Variants in BAK1 observed in about 807,000 individuals in gnomAD.
BAK1 encodes bcl-2 homologous antagonist/killer.
BAK1 carries 19 observed loss-of-function variants against 24.7 expected under a neutral mutation model. The ratio of observed to expected loss-of-function variants is 0.77; its 90% confidence interval spans 0.54 to 1.13. The LOEUF is 1.13. Among genes scored for constraint, BAK1 ranks in the 50% most tolerant of loss-of-function variants. The pLI is 0.00. For synonymous variants in BAK1, 86 were observed against 107.3 expected, an observed-to-expected ratio of 0.80 and a Z score of 1.23; for missense variants, 194 against 279.4, an observed-to-expected ratio of 0.69 and a Z score of 2.18.
intron 1 of BAK1, among the ~76,000 whole-genome samples, chr6:33,579,648 G>A (rs1762903862): frequency 6.6e-6 from 1 of 152,188 alleles, no homozygotes; most frequent in South Asian, 2.1e-4. Flanking sequence ...GGCTTGCTGG[G>A]CCCCGATGAA....
intron 2 of BAK1, among the ~76,000 whole-genome samples, chr6:33,576,368 T>A (rs551218246): frequency 7.3e-6 from 1 of 136,834 alleles, no homozygotes; most frequent in Non-Finnish European, 1.5e-5. Flanking sequence ...TGGTGGCTCA[T>A]GCCTGTAATC....
Position 33,575,179 on chromosome 6 carries a change from C to CATTGGA in BAK1, c.350+113_350+118dup. The CATTGGA allele has an allele frequency of 6.8e-7, 1 of 1,466,340 alleles. No individual in the cohort carries two copies. Among genetic ancestry groups the CATTGGA allele is most frequent in the South Asian group, 1.2e-5 (1 of 86,466 alleles). The allele number at this position is 1,466,340 out of a possible 1,614,324, so 90.8% of individuals were successfully genotyped here. On this transcript the variant is annotated intron_variant, in intron 4 of 5. Transcript: ENST00000374467. The surrounding 1 kb of genome is among the most constrained non-coding windows in gnomAD (Gnocchi z 6.3). ...AGACCACATGTGAGTTCACAGCAGA[C>CATTGGA]ATTGGACACTGACAGAAGGCTTCTC...
At chr6:33,579,423 A>G (rs1339798257) in intron 1 of BAK1, among the ~76,000 whole-genome samples, 1 of 151,788 alleles carries the variant, frequency 6.6e-6, no homozygotes, top group East Asian at 1.9e-4. Context: ...CTTCTTCCCC[A>G]GTCTCCAGGA....
At position 33,575,621 on chromosome 6, in the gene BAK1, A is replaced by T. The variant is rs1367811077; in HGVS notation, c.206+172T>A. On this transcript the variant is annotated intron_variant, in intron 3 of 5. Transcript: ENST00000374467. The surrounding 1 kb of genome is among the most constrained non-coding windows in gnomAD (Gnocchi z 6.3). ...CCAGGAGAAGGGGCAGGCATGGGCT[A>T]AAAAGGATACAAGGTCCTGGATGGG... Among the ~76,000 whole-genome samples, 2 of 151,600 alleles carry T rather than the reference A, an allele frequency of 1.3e-5. No homozygotes were observed. Among genetic ancestry groups the T allele is most frequent in the African/African-American group, 4.9e-5 (2 of 40,976 alleles).
At chr6:33,574,354 G>T in intron 4 of BAK1, 140 bp from the exon 5 acceptor site, 1 of 1,429,188 alleles carries the variant, frequency 7.0e-7, no homozygotes, top group Non-Finnish European at 9.6e-7. Flanking sequence ...CCCCAACCTG[G>T]CCTGTATTTG....
At position 33,573,587 on chromosome 6, in the gene BAK1, G is replaced by A. The variant is rs1175382797; in HGVS notation, c.*216C>T. Reference sequence around the variant, plus strand: ...GAGGGAGGAGACGGCCACAGCCCCTGGGCCCAGAGAGAGGGCCCACTAGCA... The same window carrying A: ...GAGGGAGGAGACGGCCACAGCCCCTAGGCCCAGAGAGAGGGCCCACTAGCA... On this transcript the variant is annotated 3_prime_UTR_variant, in exon 6 of 6. Transcript: ENST00000374467. 3 of 590,686 alleles carry A rather than the reference G, an allele frequency of 5.1e-6. No homozygotes were observed. The highest frequency in any genetic ancestry group is 9.1e-6 in the Non-Finnish European group (3 of 329,254). 36.6% of individuals were successfully genotyped at this position (590,686 alleles called of 1,614,324 possible). A position where few individuals can be genotyped will look rare whatever the true frequency, so the allele number is the denominator to read the frequency against.
chr6:33,575,234 G>A lies in BAK1; in HGVS notation c.350+64C>T, dbSNP rs779411450. On this transcript the variant is annotated intron_variant, in intron 4 of 5. Coordinates refer to ENST00000374467, the MANE Select transcript of BAK1 (RefSeq NM_001188.4). This position sits in a 1 kb window ranked among gnomAD's most constrained non-coding sequence, Gnocchi z 6.3. ...TGCCAGGAGAGCATCATGCAGGCAG[G>A]GTATGGTATGGTTGTGACATGACAG... is the stretch of plus-strand genomic sequence containing the variant. 8 of 1,607,650 alleles carry A rather than the reference G, an allele frequency of 5.0e-6. No individual in the cohort carries two copies. In the East Asian group the frequency reaches 6.7e-5, roughly 13 times the overall value.
In BAK1 at chr6:33,577,478, A is replaced by G; in HGVS notation, c.70+57T>C. ...AGCCTGCCTGAGTCCTGCTCCTTCC[A>G]TCCTCACGACAGCACTCATGGTTAT... On this transcript the variant is annotated intron_variant, in intron 2 of 5. Transcript: ENST00000374467. The surrounding 1 kb of genome is among the most constrained non-coding windows in gnomAD (Gnocchi z 4.6). 1 of 1,463,086 alleles carries G rather than the reference A, an allele frequency of 6.8e-7. No homozygotes were observed. Among genetic ancestry groups the G allele is most frequent in the South Asian group, 1.3e-5 (1 of 77,688 alleles). 90.6% of individuals were successfully genotyped at this position (1,463,086 alleles called of 1,614,324 possible). A position where few individuals can be genotyped will look rare whatever the true frequency, so the allele number is the denominator to read the frequency against.
At chr6:33,576,810 A>G (rs1279776667) in intron 2 of BAK1, among the ~76,000 whole-genome samples, 1 of 152,116 alleles carries the variant, frequency 6.6e-6, no homozygotes, top group Non-Finnish European at 1.5e-5. Context: ...CCCAGCTGGC[A>G]GGGGGAAAAT....
chr6:33,573,533 A>C lies in BAK1; in HGVS notation c.*270T>G, dbSNP rs2151254441. On this transcript the variant is annotated 3_prime_UTR_variant, in exon 6 of 6. Transcript: ENST00000374467. ...GTTATCAGTCTCCCCAGCGCCTAGC[A>C]GACAGGGCTAAGGAGGTCCCAGAGA... The C allele has an allele frequency of 2.0e-6, 1 of 501,126 alleles. No homozygotes were observed. Among genetic ancestry groups the C allele is most frequent in the East Asian group, 3.1e-5 (1 of 32,036 alleles). The allele number at this position is 501,126 out of a possible 1,614,324, so 31.0% of individuals were successfully genotyped here. A position where few individuals can be genotyped will look rare whatever the true frequency, so the allele number is the denominator to read the frequency against.
At position 33,575,208 on chromosome 6, in the gene BAK1, A is replaced by G. The variant is rs780157658; in HGVS notation, c.350+90T>C. ...GGACACTGACAGAAGGCTTCTCCCC[A>G]TGCCAGGAGAGCATCATGCAGGCAG... On this transcript the variant is annotated intron_variant, in intron 4 of 5. Coordinates refer to ENST00000374467, the MANE Select transcript of BAK1 (RefSeq NM_001188.4). This position sits in a 1 kb window ranked among gnomAD's most constrained non-coding sequence, Gnocchi z 6.3. The G allele has an allele frequency of 6.4e-7, 1 of 1,573,906 alleles. No individual in the cohort carries two copies. Among genetic ancestry groups the G allele is most frequent in the South Asian group, 1.1e-5 (1 of 89,784 alleles).
intron 4 of BAK1, chr6:33,574,438 C>T: frequency 1.3e-6 from 2 of 1,505,868 alleles, no homozygotes; most frequent in Non-Finnish European, 1.8e-6. Flanking sequence ...GGGGTGTACG[C>T]TCAGGTGCAA....
At position 33,578,270 on chromosome 6, in the gene BAK1, C is replaced by T. The variant is rs1003500421; in HGVS notation, c.-31-635G>A. On this transcript the variant is annotated intron_variant, in intron 1 of 5. Transcript: ENST00000374467. The surrounding 1 kb of genome is among the most constrained non-coding windows in gnomAD (Gnocchi z 4.8). ...TTCCTGAGAGCCTAAGATATACTCT[C>T]CCACTTAGGAGCACTCTGTGGGTGG... Among the ~76,000 whole-genome samples the T allele has an allele frequency of 1.2e-4, 19 of 152,314 alleles. No homozygotes were observed. Among genetic ancestry groups the T allele is most frequent in the African/African-American group, 4.3e-4 (18 of 41,564 alleles).
At chr6:33,579,678 C>A (rs1038077543) in intron 1 of BAK1, among the ~76,000 whole-genome samples, 1 of 152,228 alleles carries the variant, frequency 6.6e-6, no homozygotes, top group Admixed American at 6.5e-5. Flanking sequence ...GGGATACATG[C>A]CTGGCCAGGC....
Position 33,574,087 on chromosome 6 carries a change from C to G in BAK1, c.478G>C (p.Asp160His). Residue 160 changes from aspartate to histidine, a missense_variant, in exon 5 of 6, where the codon GAC (aspartate) becomes CAC (histidine). Asp to His is a moderately conservative substitution (Grantham distance 81, BLOSUM62 -1). Coordinates refer to ENST00000374467, the MANE Select transcript of BAK1 (RefSeq NM_001188.4). ...GCAATGCAGTGATGCAGCATGAAGT[C>G]GACCACGAAGCGGGTCACCTGGCCT... ...FLGQVTRFVV[D>H]FMLHHCIARW... is the part of the protein sequence containing the mutation. The G allele has an allele frequency of 6.2e-7, 1 of 1,614,230 alleles. No homozygotes were observed. Among genetic ancestry groups the G allele is most frequent in the African/African-American group, 1.3e-5 (1 of 75,072 alleles).
rs143727127 is a variant in BAK1 at position 33,575,831 on chromosome 6, G to A, written c.168C>T (p.Ala56=). The A allele has an allele frequency of 2.0e-5, 33 of 1,613,618 alleles. No individual in the cohort carries two copies. In the African/African-American group the frequency reaches 2.7e-4, roughly 13 times the overall value. Residue 56 remains alanine (A), a synonymous_variant, in exon 3 of 6, where the codon GCC becomes GCT. Transcript: ENST00000374467. This position sits in a 1 kb window ranked among gnomAD's most constrained non-coding sequence, Gnocchi z 6.3. ...GAGGTAAGGTGACCATCTCTGGGTC[G>A]GCAGGGGCAGCCACCCCTTCAGCCT... The part of the protein sequence containing the change: ...EQEAEGVAAP[A]DPEMVTLPLQ...
Position 33,573,536 on chromosome 6 carries a change from C to G in BAK1, c.*267G>C, listed in dbSNP as rs1762795565. The G allele has an allele frequency of 4.0e-6, 2 of 502,094 alleles. No individual in the cohort carries two copies. Among genetic ancestry groups the G allele is most frequent in the Non-Finnish European group, 7.2e-6 (2 of 279,646 alleles). 31.1% of individuals were successfully genotyped at this position (502,094 alleles called of 1,614,324 possible). A position where few individuals can be genotyped will look rare whatever the true frequency, so the allele number is the denominator to read the frequency against. The stretch of plus-strand genomic sequence containing the variant: ...ATCAGTCTCCCCAGCGCCTAGCAGA[C>G]AGGGCTAAGGAGGTCCCAGAGAGCT... On this transcript the variant is annotated 3_prime_UTR_variant, in exon 6 of 6. Transcript: ENST00000374467.
At chr6:33,579,223 G>A (rs1293169567) in intron 1 of BAK1, among the ~76,000 whole-genome samples, 1 of 152,204 alleles carries the variant, frequency 6.6e-6, no homozygotes, top group Non-Finnish European at 1.5e-5. Flanking sequence ...GCGTGCGCCT[G>A]TAGTCCCAGC....
chr6:33,578,330 G>A lies in BAK1; in HGVS notation c.-31-695C>T, dbSNP rs1022403954. ...GAAACTCACATGAACCCAGCAGGGT[G>A]AGCGCCATCATACCCACTTTACAGG... On this transcript the variant is annotated intron_variant, in intron 1 of 5. Transcript: ENST00000374467. This position sits in a 1 kb window ranked among gnomAD's most constrained non-coding sequence, Gnocchi z 4.8. Among the ~76,000 whole-genome samples the A allele has an allele frequency of 3.3e-5, 5 of 152,196 alleles. No individual in the cohort carries two copies. The highest frequency in any genetic ancestry group is 4.8e-5 in the African/African-American group (2 of 41,446).
Sources: gnomAD v4.1 joint callset for allele counts (sites outside exome capture counted in the v4.1 genomes callset) on GRCh38, gnomAD v4.1.1 for gene constraint, Gnocchi (gnomAD v3.1) non-coding constraint, MANE v1.5 for transcripts, NCBI Gene and HGNC (gene_info 2026-07-23, HGNC 2026-07-21) for gene names.